Variants in NUP210L observed in about 807,000 individuals in gnomAD.
NUP210L encodes nucleoporin 210 like.
A neutral mutation model predicts 208.5 loss-of-function variants in NUP210L; 74 were observed. The observed-to-expected ratio is 0.35, with a 90% CI of 0.29 to 0.43. The LOEUF is 0.43. NUP210L is among the 20% of genes least tolerant of loss of function. The pLI is 1.00. For missense variants in NUP210L, 1,843 were observed against 2,289.4 expected (o/e 0.81, Z 3.98); for synonymous variants, 780 against 816.9 (o/e 0.95, Z 0.77).
intron 30 of NUP210L, among the ~76,000 whole-genome samples, chr1:154,024,548 G>C (rs943428778): frequency 5.3e-5 from 8 of 152,028 alleles, no homozygotes; most frequent in Non-Finnish European, 1.0e-4. Context: ...AAAAGAAACA[G>C]ATTGTTGCTT....
At chr1:154,049,311 C>A (rs1020180629) in intron 25 of NUP210L, among the ~76,000 whole-genome samples, 13 of 152,278 alleles carry the variant, frequency 8.5e-5, no homozygotes, top group African/African-American at 3.1e-4. Flanking sequence ...AGCACAAGTT[C>A]TAATTCCAGA....
intron 34 of NUP210L, among the ~76,000 whole-genome samples, chr1:154,011,294 G>A (rs895527242): frequency 1.1e-4 from 16 of 149,182 alleles, no homozygotes; most frequent in African/African-American, 3.2e-4. Context: ...CACAATCTCA[G>A]CTCACTGCAA....
At position 154,030,059 on chromosome 1, in the gene NUP210L, A is replaced by T. The variant is rs1652123274; in HGVS notation, c.3697-5T>A. The stretch of plus-strand genomic sequence containing the variant: ...TACTGGGAGCTGTAGAAAAACCTAG[A>T]CAGTGAAGGGATAGATTAAGAAATA... On this transcript the variant is annotated splice_region_variant and splice_polypyrimidine_tract_variant and intron_variant, in intron 27 of 39. Coordinates refer to ENST00000368559, the Ensembl canonical transcript of NUP210L. The T allele has an allele frequency of 6.4e-7, 1 of 1,566,964 alleles. No individual in the cohort carries two copies. The highest frequency in any genetic ancestry group is 1.2e-5 in the South Asian group (1 of 81,456).
chr1:154,150,541 G>A (rs1202537574), intron 2 of NUP210L, among the ~76,000 whole-genome samples: 5 of 151,612 alleles, frequency 3.3e-5, no homozygotes, highest in African/African-American at 4.8e-5. Context: ...TAGCCTGGCC[G>A]ACATGGTGAA....
At chr1:154,055,730 A>G (rs1653830883) in intron 23 of NUP210L, among the ~76,000 whole-genome samples, 1 of 152,180 alleles carries the variant, frequency 6.6e-6, no homozygotes, top group Non-Finnish European at 1.5e-5. Context: ...ACTCTTAATT[A>G]TCTACCAAAA....
intron 27 of NUP210L, among the ~76,000 whole-genome samples, chr1:154,033,897 A>T (rs541559556): frequency 6.6e-6 from 1 of 151,930 alleles, no homozygotes; most frequent in Non-Finnish European, 1.5e-5. Flanking sequence ...ATATCTTTCC[A>T]TTTTTTGTGT....
intron 13 of NUP210L, among the ~76,000 whole-genome samples, chr1:154,103,499 C>T (rs1361426686): frequency 2.0e-5 from 3 of 150,562 alleles, no homozygotes; most frequent in Admixed American, 6.6e-5. Context: ...GGTGAAACCC[C>T]GTCTCTACTA....
exon 30 of NUP210L, chr1:154,025,595 C>T: frequency 6.2e-7 from 1 of 1,613,830 alleles, no homozygotes; most frequent in Admixed American, 1.7e-5. Flanking sequence ...ATAGAAGTGA[C>T]TTCCAATACA....
In NUP210L at chr1:154,138,096, A is replaced by G. The variant is rs1658638605; in HGVS notation, c.850+10T>C. The G allele has an allele frequency of 6.8e-7, 1 of 1,466,586 alleles. No individual in the cohort carries two copies. Among genetic ancestry groups the G allele is most frequent in the South Asian group, 1.5e-5 (1 of 66,444 alleles). 90.8% of individuals were successfully genotyped at this position (1,466,586 alleles called of 1,614,324 possible). ...ATGTGAGTCATAGGAGAAAAAATAAATCACCTTACCTGTCACTCTCCCTTG... is the reference window on the plus strand; with the variant it reads ...ATGTGAGTCATAGGAGAAAAAATAAGTCACCTTACCTGTCACTCTCCCTTG... On this transcript the variant is annotated intron_variant, in intron 6 of 39. Transcript: ENST00000368559.
chr1:154,015,426 AAC>A (rs1651180931), intron 33 of NUP210L, among the ~76,000 whole-genome samples: 1 of 151,986 alleles, frequency 6.6e-6, no homozygotes, highest in Non-Finnish European at 1.5e-5. Context: ...TCTATCCAAA[AAC>A]ACAAAAAATT....
In NUP210L at chr1:154,056,804, A is replaced by T; in HGVS notation, c.3240+11T>A. ...AAAAAGTACAAATTTTGGATGAGAT[A>T]ATTTCCTTACTTCAATGTGCCGAGG... is the stretch of plus-strand genomic sequence containing the variant. On this transcript the variant is annotated intron_variant, in intron 23 of 39. Transcript: ENST00000368559. 1 of 1,555,030 alleles carries T rather than the reference A, an allele frequency of 6.4e-7. No individual in the cohort carries two copies. Among genetic ancestry groups the T allele is most frequent in the South Asian group, 1.2e-5 (1 of 80,824 alleles).
chr1:154,055,808 A>G (rs1653835351), intron 23 of NUP210L, among the ~76,000 whole-genome samples: 1 of 152,262 alleles, frequency 6.6e-6, no homozygotes, highest in African/African-American at 2.4e-5. Flanking sequence ...AAGTAGGAAT[A>G]CTAAAATAAG....
chr1:154,149,211 A>G (rs1317266085), intron 2 of NUP210L, among the ~76,000 whole-genome samples: 1 of 150,606 alleles, frequency 6.6e-6, no homozygotes, highest in South Asian at 2.1e-4. Flanking sequence ...TCAGCCTCCC[A>G]AGTAGCTGGA....
chr1:154,039,216 C>G (rs1347607477), intron 27 of NUP210L, among the ~76,000 whole-genome samples: 2 of 149,740 alleles, frequency 1.3e-5, no homozygotes, highest in African/African-American at 2.5e-5. Flanking sequence ...AATCCCTCAG[C>G]TTTTGTTTTT....
Position 154,002,047 on chromosome 1 carries a change from T to C in NUP210L, c.4931-62A>G, listed in dbSNP as rs1370867492. ...CAGAGGCTCTATTGAGCCAACTGAA[T>C]TAGGATAGGAAGGGAAAATTGTGAC... On this transcript the variant is annotated intron_variant, in intron 35 of 39. Transcript: ENST00000368559. The C allele has an allele frequency of 9.7e-6, 15 of 1,546,716 alleles. 1 individual carries two copies. In the South Asian group the frequency reaches 1.5e-4, roughly 16 times the overall value.
intron 17 of NUP210L, among the ~76,000 whole-genome samples, chr1:154,066,704 TAAA>T (rs1339615401): frequency 6.6e-6 from 1 of 151,426 alleles, no homozygotes; most frequent in Non-Finnish European, 1.5e-5. Flanking sequence ...GAAAAACTAA[TAAA>T]GAAGAAAAGA....
chr1:154,123,425 G>A (rs1018976834), intron 10 of NUP210L, among the ~76,000 whole-genome samples: 3 of 152,104 alleles, frequency 2.0e-5, no homozygotes, highest in African/African-American at 2.4e-5. Context: ...GATTATAGGC[G>A]TGAGCCAACT....
rs536688043 is a variant in NUP210L, at chr1:154,117,284, A to T, written c.1620+441T>A. Among the ~76,000 whole-genome samples the T allele has an allele frequency of 3.3e-5, 5 of 152,332 alleles. No homozygotes were observed. In the East Asian group the frequency reaches 9.6e-4, roughly 29 times the overall value. Reference sequence around the variant, plus strand: ...TCAACCTAGTTATAGAAATATTTTTAAAATATGTATTTCTGGCTGGGTGCA... The same window carrying T: ...TCAACCTAGTTATAGAAATATTTTTTAAATATGTATTTCTGGCTGGGTGCA... On this transcript the variant is annotated intron_variant, in intron 12 of 39. Transcript: ENST00000368559.
rs111365251 is a variant in NUP210L, at chr1:154,115,846, C to A, written c.1620+1879G>T. On this transcript the variant is annotated intron_variant, in intron 12 of 39. Coordinates refer to ENST00000368559, the Ensembl canonical transcript of NUP210L. ...TTAAAAATGGGGCTGGGGCTGGGCG[C>A]AGTGGCTCATGCCTGTAATCCCACC... 3.3e-5 allele frequency among the ~76,000 whole-genome samples: 5 copies of A among 152,128 alleles called. 1 individual carries two copies. Among genetic ancestry groups the A allele is most frequent in the African/African-American group, 1.2e-4 (5 of 41,504 alleles).
Sources: allele counts gnomAD v4.1 joint callset (sites outside exome capture counted in the v4.1 genomes callset), GRCh38; gene constraint gnomAD v4.1.1; transcripts MANE v1.5; gene names NCBI Gene and HGNC (gene_info 2026-07-23, HGNC 2026-07-21).